Variants in IQSEC1 observed in about 807,000 individuals in gnomAD.
IQSEC1 encodes the protein IQ motif and Sec7 domain ArfGEF 1, also known as IQ motif and SEC7 domain-containing protein 1.
In IQSEC1, 31 loss-of-function variants were observed where a neutral mutation model predicts 91.0. The observed-to-expected ratio is 0.34, with a 90% CI of 0.26 to 0.46. The LOEUF (loss-of-function observed/expected upper bound fraction) is 0.46. IQSEC1 is among the 20% of genes least tolerant of loss of function. IQSEC1 has a pLI of 1.00. For synonymous variants in IQSEC1, 699 were observed against 662.6 expected (o/e 1.05, Z -0.84); for missense variants, 1,388 against 1,575.6 (o/e 0.88, Z 2.02).
intron 2 of IQSEC1, among the ~76,000 whole-genome samples, chr3:13,156,517 G>T (rs1707087684): frequency 6.6e-6 from 1 of 152,234 alleles, no homozygotes; most frequent in South Asian, 2.1e-4. Flanking sequence ...TCAGGCATGT[G>T]GACAGACAAG....
At chr3:12,956,477 C>T (rs143445330) in intron 1 of IQSEC1, among the ~76,000 whole-genome samples, 30 of 152,290 alleles carry the variant, frequency 2.0e-4, no homozygotes, top group African/African-American at 5.5e-4. Flanking sequence ...AAATTAATAC[C>T]GTCGCAGTGA....
chr3:13,220,991 C>T (rs900492972), intron 1 of IQSEC1, among the ~76,000 whole-genome samples: 1 of 152,234 alleles, frequency 6.6e-6, no homozygotes, highest in Admixed American at 6.5e-5. Flanking sequence ...GTTGGGGAAA[C>T]GACATAGGGG....
At chr3:13,109,791 C>CT (rs71991259) in intron 2 of IQSEC1, among the ~76,000 whole-genome samples, 75 of 146,374 alleles carry the variant, frequency 5.1e-4, no homozygotes, top group East Asian at 2.2e-3. Context: ...CTGATTAAAC[C>CT]TTTTTTTTTT....
At chr3:13,253,897 C>A (rs558648203) in intron 1 of IQSEC1, among the ~76,000 whole-genome samples, 1 of 152,120 alleles carries the variant, frequency 6.6e-6, no homozygotes, top group African/African-American at 2.4e-5. Flanking sequence ...CCCATTAAGA[C>A]GGGGTGAAGA....
At chr3:13,235,205 G>A (rs940701561) in intron 1 of IQSEC1, among the ~76,000 whole-genome samples, 1 of 152,186 alleles carries the variant, frequency 6.6e-6, no homozygotes, top group South Asian at 2.1e-4. Context: ...CAGAGAGGGG[G>A]CCTGGTGGGC....
chr3:13,204,604 G>C (rs1456832376), intron 1 of IQSEC1, among the ~76,000 whole-genome samples: 1 of 152,184 alleles, frequency 6.6e-6, no homozygotes, highest in African/African-American at 2.4e-5. Context: ...GAGCTTCGGG[G>C]AGATCGCCCG....
chr3:13,151,152 C>T (rs1167625993), intron 2 of IQSEC1, among the ~76,000 whole-genome samples: 1 of 152,208 alleles, frequency 6.6e-6, no homozygotes, highest in African/African-American at 2.4e-5. Context: ...CTTGGTTGTA[C>T]CAGCAACCTC....
intron 1 of IQSEC1, among the ~76,000 whole-genome samples, chr3:12,971,365 C>T (rs991387874): frequency 1.3e-5 from 2 of 152,036 alleles, no homozygotes; most frequent in Non-Finnish European, 1.5e-5. Context: ...CCTACAGCGC[C>T]GCCTGCCCAT....
At chr3:13,067,456 C>A (rs1297772514) in intron 1 of IQSEC1, among the ~76,000 whole-genome samples, 1 of 152,214 alleles carries the variant, frequency 6.6e-6, no homozygotes, top group African/African-American at 2.4e-5. Flanking sequence ...CCTCAGCACC[C>A]AGGACAAGCA....
intron 1 of IQSEC1, chr3:13,052,935 A>G (rs1236851054): frequency 1.4e-5 from 14 of 976,418 alleles, no homozygotes; most frequent in Non-Finnish European, 1.5e-5. Flanking sequence ...TTGAGACAGC[A>G]TCAATATGTG....
In IQSEC1 at chr3:12,901,343, G is replaced by A. The variant is rs760563114; in HGVS notation, c.2985C>T (p.Pro995=). ...HLPSAPALPP[P]HPPVVLPHLQ... ...AGTGAGGCAGGACCACCGGTGGGTG[G>A]GGGGGTGGCAGGGCTGGGGCTGAGG... Residue 995 remains proline (P), a synonymous_variant, in exon 14 of 14, where the codon CCC becomes CCT. Coordinates refer to ENST00000613206, the MANE Select transcript of IQSEC1 (RefSeq NM_001134382.3). The A allele has an allele frequency of 6.5e-7, 1 of 1,530,460 alleles. No homozygotes were observed. The highest frequency in any genetic ancestry group is 8.8e-7 in the Non-Finnish European group (1 of 1,135,608). 94.8% of individuals were successfully genotyped at this position (1,530,460 alleles called of 1,614,324 possible). A position where few individuals can be genotyped will look rare whatever the true frequency, so the allele number is the denominator to read the frequency against.
At chr3:12,980,465 AT>A (rs1399025146) in intron 1 of IQSEC1, among the ~76,000 whole-genome samples, 1 of 152,222 alleles carries the variant, frequency 6.6e-6, no homozygotes, top group African/African-American at 2.4e-5. Context: ...TTCTCTAGCA[AT>A]TTCCATAAAT....
chr3:13,014,600 G>A (rs567223981), intron 1 of IQSEC1, among the ~76,000 whole-genome samples: 1 of 152,326 alleles, frequency 6.6e-6, no homozygotes, highest in South Asian at 2.1e-4. Flanking sequence ...GCCCCCAAGA[G>A]CCAGGGCTGG....
chr3:13,022,189 C>A, intron 1 of IQSEC1: 1 of 1,231,266 alleles, frequency 8.1e-7, no homozygotes, highest in Non-Finnish European at 1.0e-6. Flanking sequence ...GAACGGCTCT[C>A]TTCACGGATT....
chr3:12,947,227 GTGA>G (rs1272601253), intron 1 of IQSEC1, among the ~76,000 whole-genome samples: 2 of 152,174 alleles, frequency 1.3e-5, no homozygotes, highest in Non-Finnish European at 2.9e-5. Flanking sequence ...AATACCCGAC[GTGA>G]TGAAGTACAC....
chr3:13,001,499 A>C (rs1010211560), intron 1 of IQSEC1, among the ~76,000 whole-genome samples: 4 of 152,214 alleles, frequency 2.6e-5, no homozygotes, highest in African/African-American at 7.2e-5. Flanking sequence ...ACGCTGCTAC[A>C]CTGGAAGGTC....
intron 2 of IQSEC1, among the ~76,000 whole-genome samples, chr3:13,091,480 T>C (rs1705859714): frequency 6.6e-6 from 1 of 152,234 alleles, no homozygotes; most frequent in African/African-American, 2.4e-5. Context: ...GGCTTGGGCC[T>C]ACTGAAACCC....
In IQSEC1 at chr3:13,165,570, G is replaced by C. The variant is rs1056465447; in HGVS notation, c.273-1437C>G. On this transcript the variant is annotated intron_variant, in intron 1 of 15. Coordinates refer to the IQSEC1 transcript ENST00000648114. Reference sequence around the variant, plus strand: ...TGTGTGTGTGTGTGTGTGTGTGTGTGTGTGTGTGTGTCTGTCTGTCTTCAC... The same window carrying C: ...TGTGTGTGTGTGTGTGTGTGTGTGTCTGTGTGTGTGTCTGTCTGTCTTCAC... Among the ~76,000 whole-genome samples the C allele has an allele frequency of 4.2e-3, 608 of 144,832 alleles. 10 individuals are homozygous for C. The highest frequency in any genetic ancestry group is 0.015 in the African/African-American group (568 of 38,298).
At chr3:13,087,515 C>G (rs1705756667) in intron 2 of IQSEC1, among the ~76,000 whole-genome samples, 1 of 152,156 alleles carries the variant, frequency 6.6e-6, no homozygotes. Flanking sequence ...TGAATCAATC[C>G]CAAACCTTGA....
Sources: gnomAD v4.1 joint callset for allele counts (sites outside exome capture counted in the v4.1 genomes callset) on GRCh38, gnomAD v4.1.1 for gene constraint, MANE v1.5 for transcripts, NCBI Gene and HGNC (gene_info 2026-07-23, HGNC 2026-07-21) for gene names.